The following ERICH3 variants were observed in gnomAD, a reference collection of about 807,000 sequenced individuals.
ERICH3 encodes the protein glutamate-rich protein 3.
Under a neutral mutation model 131.1 loss-of-function variants are expected in ERICH3, and 126 were observed. The ratio of observed to expected loss-of-function variants is 0.96; its 90% CI spans 0.83 to 1.11. The LOEUF is 1.11. Among genes scored for constraint, ERICH3 ranks in the 50% most tolerant of loss-of-function variants. The pLI, the probability that ERICH3 is intolerant of heterozygous loss-of-function variation, is 0.00. For synonymous variants in ERICH3, 695 were observed against 644.6 expected, an observed-to-expected ratio of 1.08 and a Z score of -1.18; for missense variants, 2,050 against 1,810.7, an observed-to-expected ratio of 1.13 and a Z score of -2.40.
chr1:74,671,820 C>T (rs984231351), intron 1 of ERICH3, among the ~76,000 whole-genome samples: 1 of 152,186 alleles, frequency 6.6e-6, no homozygotes, highest in Admixed American at 6.5e-5. Flanking sequence ...ATTCAGCACA[C>T]ATTTGTTGAG....
intron 11 of ERICH3, among the ~76,000 whole-genome samples, chr1:74,594,777 C>T (rs980709224): frequency 4.6e-5 from 7 of 152,028 alleles, no homozygotes; most frequent in African/African-American, 1.7e-4. Context: ...AATGACCAGA[C>T]CTGACCTTAG....
chr1:74,601,256 A>G (rs1022672708), intron 10 of ERICH3, among the ~76,000 whole-genome samples: 2 of 151,830 alleles, frequency 1.3e-5, no homozygotes, highest in South Asian at 4.1e-4. Flanking sequence ...CGGCCAAGTT[A>G]TAGGATAATT....
chr1:74,589,453 G>A (rs879426284), intron 12 of ERICH3, 178 bp downstream of exon 12: 3 of 664,330 alleles, frequency 4.5e-6, no homozygotes, highest in Non-Finnish European at 5.2e-6. Context: ...GCAAGAGAAG[G>A]CAAACAGCAA....
chr1:74,618,182 C>T (rs2218354), intron 8 of ERICH3, among the ~76,000 whole-genome samples: 13 of 151,986 alleles, frequency 8.6e-5, no homozygotes, highest in African/African-American at 2.7e-4. Flanking sequence ...AATTAAAAAC[C>T]GTTAATATAA....
intron 5 of ERICH3, among the ~76,000 whole-genome samples, chr1:74,637,078 C>T (rs1646396324): frequency 6.6e-6 from 1 of 152,158 alleles, no homozygotes; most frequent in Non-Finnish European, 1.5e-5. Flanking sequence ...CCATTTGTCC[C>T]TCTAGATCTA....
chr1:74,577,794 AAC>A (rs1647094524), intron 12 of ERICH3, among the ~76,000 whole-genome samples: 3 of 152,196 alleles, frequency 2.0e-5, no homozygotes, highest in Admixed American at 2.0e-4. Flanking sequence ...AATTGAAAAA[AAC>A]AGTTTAGTTG....
intron 11 of ERICH3, among the ~76,000 whole-genome samples, chr1:74,590,416 G>A (rs1026093584): frequency 6.6e-6 from 1 of 152,164 alleles, no homozygotes; most frequent in African/African-American, 2.4e-5. Flanking sequence ...TATAGAATCA[G>A]TGGGAGCCCT....
chr1:74,581,020 C>T (rs139579421), intron 12 of ERICH3, among the ~76,000 whole-genome samples: 3 of 152,228 alleles, frequency 2.0e-5, no homozygotes, highest in Admixed American at 2.0e-4. Context: ...AATATTTCTT[C>T]CAGAGTTTGT....
intron 5 of ERICH3, among the ~76,000 whole-genome samples, chr1:74,639,107 T>C (rs1343937743): frequency 6.6e-6 from 1 of 152,164 alleles, no homozygotes; most frequent in Non-Finnish European, 1.5e-5. Context: ...TAAAAGGTCT[T>C]ATAACCCACA....
intron 1 of ERICH3, among the ~76,000 whole-genome samples, chr1:74,669,411 T>TAC (rs1038227279): frequency 4.6e-5 from 7 of 152,190 alleles, no homozygotes; most frequent in Admixed American, 2.0e-4. Context: ...GTGTATCTTT[T>TAC]ACACAGAAAG....
chr1:74,673,587 T>C lies in ERICH3; in HGVS notation c.-68A>G. ...TGGGTGCGTGGGGCCCCGTGCGCGC[T>C]GGCGCTGCGACAGTCGCGCTCGAGG... On this transcript the variant is annotated 5_prime_UTR_variant, in exon 1 of 15. Transcript: ENST00000326665. 6.8e-7 allele frequency: 1 copy of C among 1,465,254 alleles called. No individual in the cohort carries two copies. Among genetic ancestry groups the C allele is most frequent in the Admixed American group, 1.8e-5 (1 of 56,730 alleles). The allele number at this position is 1,465,254 out of a possible 1,614,324, so 90.8% of individuals were successfully genotyped here.
intron 13 of ERICH3, among the ~76,000 whole-genome samples, chr1:74,576,652 TCA>T (rs1400657949): frequency 6.6e-5 from 10 of 152,180 alleles, no homozygotes. Context: ...CTCAAATGCC[TCA>T]CAGTGCTTGA....
chr1:74,620,822 A>T lies in ERICH3; in HGVS notation c.912T>A (p.Asn304Lys). 1.2e-6 allele frequency: 2 copies of T among 1,613,480 alleles called. No homozygotes were observed. Among genetic ancestry groups the T allele is most frequent in the Non-Finnish European group, 1.7e-6 (2 of 1,179,646 alleles). ...CTTTAATTTCATCCCGGAAGTCAGG[A>T]TTATCAGAAGATAGGTGCACATTTT... ...LGKNVHLSSD[N>K]PDFRDEIKVY... Residue 304 changes from asparagine to lysine, a missense_variant, in exon 8 of 15, where the codon AAT (asparagine) becomes AAA (lysine). Coordinates refer to ENST00000326665, the MANE Select transcript of ERICH3 (RefSeq NM_001002912.5).
chr1:74,660,403 A>T (rs901280790), intron 1 of ERICH3, among the ~76,000 whole-genome samples: 3 of 151,806 alleles, frequency 2.0e-5, no homozygotes, highest in African/African-American at 7.2e-5. Flanking sequence ...TGATAAAGGC[A>T]GTTACCATTG....
intron 7 of ERICH3, among the ~76,000 whole-genome samples, chr1:74,629,559 T>A (rs978314658): frequency 1.3e-5 from 2 of 152,072 alleles, no homozygotes; most frequent in African/African-American, 4.8e-5. Flanking sequence ...GACCCTGGGA[T>A]GAAGAGGCTG....
intron 6 of ERICH3, among the ~76,000 whole-genome samples, chr1:74,632,424 G>A (rs993832764): frequency 5.3e-5 from 8 of 151,984 alleles, no homozygotes; most frequent in African/African-American, 1.9e-4. Context: ...TACATTTACA[G>A]AGGAAAAATT....
intron 13 of ERICH3, among the ~76,000 whole-genome samples, chr1:74,574,040 G>A (rs563623074): frequency 6.6e-6 from 1 of 150,826 alleles, no homozygotes; most frequent in African/African-American, 2.4e-5. Context: ...ACCCAGGCTG[G>A]AGGGCAGCAG....
intron 2 of ERICH3, 60 bp downstream of exon 2, chr1:74,649,162 G>C: frequency 1.7e-6 from 2 of 1,187,282 alleles, no homozygotes; most frequent in Non-Finnish European, 2.4e-6. Flanking sequence ...GCCTGAAAAG[G>C]TAGGGAATTA....
intron 7 of ERICH3, chr1:74,622,598 T>A (rs1283247362): frequency 6.6e-6 from 1 of 152,194 alleles, no homozygotes; most frequent in Non-Finnish European, 1.5e-5. Flanking sequence ...AGTGACTGAT[T>A]AAATAAAAGC....
Sources: allele counts gnomAD v4.1 joint callset (sites outside exome capture counted in the v4.1 genomes callset), GRCh38; gene constraint gnomAD v4.1.1; transcripts MANE v1.5; gene names NCBI Gene and HGNC (gene_info 2026-07-23, HGNC 2026-07-21).